PTPRG: variants seen among roughly 807,000 people sequenced by gnomAD.
PTPRG encodes the protein protein tyrosine phosphatase receptor type G, also known as receptor-type tyrosine-protein phosphatase gamma.
PTPRG carries 102 observed loss-of-function variants against 165.3 expected under a neutral mutation model. The ratio of observed to expected loss-of-function variants is 0.62; its 90% CI spans 0.53 to 0.73. The LOEUF is 0.73. Among genes scored for constraint, PTPRG ranks in the 30% least tolerant of loss-of-function variants. The pLI is 0.00. For synonymous variants in PTPRG, 675 were observed against 669.5 expected, an observed-to-expected ratio of 1.01 and a Z score of -0.13; for missense variants, 1,866 against 1,861.4, an observed-to-expected ratio of 1.00 and a Z score of -0.05.
rs147207311 is a variant in PTPRG at position 61,700,857 on chromosome 3, G to A, written c.86-48021G>A. Reference sequence around the variant, plus strand: ...ACATCTGTTACTTTTATACTACACAGGAAATACATGTAAAACATCCTACCC... The same window carrying A: ...ACATCTGTTACTTTTATACTACACAAGAAATACATGTAAAACATCCTACCC... On this transcript the variant is annotated intron_variant, in intron 1 of 29. Coordinates refer to ENST00000474889, the MANE Select transcript of PTPRG (RefSeq NM_002841.4). Among the ~76,000 whole-genome samples, 328 of 152,150 alleles carry A rather than the reference G, an allele frequency of 2.2e-3. 2 individuals carry two copies. Among genetic ancestry groups the A allele is most frequent in the African/African-American group, 7.8e-3 (322 of 41,520 alleles).
At chr3:62,027,038 A>G (rs2041821035) in intron 4 of PTPRG, among the ~76,000 whole-genome samples, 2 of 152,144 alleles carry the variant, frequency 1.3e-5, no homozygotes, top group Admixed American at 6.5e-5. Context: ...ACTACTACTG[A>G]GTCAAATCAT....
chr3:61,861,747 C>A (rs1310214141), intron 2 of PTPRG, among the ~76,000 whole-genome samples: 4 of 152,184 alleles, frequency 2.6e-5, no homozygotes, highest in Admixed American at 2.6e-4. Flanking sequence ...GTTTCTTCAA[C>A]TGGCATGGGG....
At chr3:62,170,919 A>T (rs1705191658) in intron 8 of PTPRG, among the ~76,000 whole-genome samples, 1 of 151,906 alleles carries the variant, frequency 6.6e-6, no homozygotes, top group African/African-American at 2.4e-5. Context: ...GGATCTCAGG[A>T]CTCCCCCATC....
intron 2 of PTPRG, among the ~76,000 whole-genome samples, chr3:61,817,148 TATATATA>T (rs61148136): frequency 4.6e-4 from 55 of 118,484 alleles, no homozygotes; most frequent in African/African-American, 1.5e-3. Context: ...ATATATTACA[TATATATA>T]ATATATAATA....
At position 61,562,088 on chromosome 3, in the gene PTPRG, C is replaced by G; in HGVS notation, c.-200C>G. 1 of 587,666 alleles carries G rather than the reference C, an allele frequency of 1.7e-6. No individual in the cohort carries two copies. Among genetic ancestry groups the G allele is most frequent in the East Asian group, 2.8e-5 (1 of 35,444 alleles). The allele number at this position is 587,666 out of a possible 1,614,324, so 36.4% of individuals were successfully genotyped here. A position where few individuals can be genotyped will look rare whatever the true frequency, so the allele number is the denominator to read the frequency against. On this transcript the variant is annotated 5_prime_UTR_variant, in exon 1 of 30. Transcript: ENST00000474889. ...TCGTCCCCAGCGTGGCTCTGCGTTC[C>G]CGGTCACTTTTTGAGATTTTCCGGG... is the stretch of plus-strand genomic sequence containing the variant.
chr3:62,166,005 G>C (rs1308232901), intron 7 of PTPRG, among the ~76,000 whole-genome samples: 1 of 151,718 alleles, frequency 6.6e-6, no homozygotes, highest in African/African-American at 2.4e-5. Context: ...CTGGTTCCCC[G>C]AAGCCTTGAC....
In PTPRG at chr3:62,024,871, G is replaced by A. The variant is rs146925919; in HGVS notation, c.519+21374G>A. Among the ~76,000 whole-genome samples, 482 of 152,252 alleles carry A rather than the reference G, an allele frequency of 3.2e-3. 3 individuals carry two copies. Among genetic ancestry groups the A allele is most frequent in the African/African-American group, 0.011 (461 of 41,534 alleles). ...CTGTGTTTTGTGAATTTCGACATGC[G>A]ATTTTCCAATTCATCAGTATCAGAT... On this transcript the variant is annotated intron_variant, in intron 4 of 29. Transcript: ENST00000474889.
chr3:62,164,137 C>T (rs1000916242), intron 7 of PTPRG, among the ~76,000 whole-genome samples: 11 of 152,154 alleles, frequency 7.2e-5, no homozygotes, highest in African/African-American at 2.2e-4. Context: ...CAACTTTGTC[C>T]GTATGGTTTG....
chr3:62,248,530 G>T (rs925793871), intron 15 of PTPRG, among the ~76,000 whole-genome samples: 109 of 152,042 alleles, frequency 7.2e-4, no homozygotes, highest in African/African-American at 2.2e-3. Flanking sequence ...ACACTGACAG[G>T]TACTTATAAA....
At chr3:61,888,206 T>C (rs1678923518) in intron 2 of PTPRG, among the ~76,000 whole-genome samples, 1 of 148,596 alleles carries the variant, frequency 6.7e-6, no homozygotes, top group African/African-American at 2.6e-5. Context: ...TCTTTGTGTG[T>C]GTGTGTGTGT....
At chr3:62,015,027 C>T (rs1237610883) in intron 4 of PTPRG, among the ~76,000 whole-genome samples, 1 of 152,152 alleles carries the variant, frequency 6.6e-6, no homozygotes. Flanking sequence ...GTGACATATG[C>T]CAGTAGGGAA....
At chr3:62,148,383 G>A (rs1024434667) in intron 6 of PTPRG, among the ~76,000 whole-genome samples, 1 of 152,182 alleles carries the variant, frequency 6.6e-6, no homozygotes, top group Non-Finnish European at 1.5e-5. Context: ...CCACCATAAG[G>A]AGTCTGGATT....
intron 8 of PTPRG, among the ~76,000 whole-genome samples, chr3:62,189,569 C>T (rs936859345): frequency 2.0e-5 from 3 of 152,174 alleles, no homozygotes; most frequent in African/African-American, 7.2e-5. Flanking sequence ...CTCACCCTCC[C>T]CTGCCCTCCT....
At chr3:62,205,311 CT>C (rs1270064251) in intron 12 of PTPRG, among the ~76,000 whole-genome samples, 4 of 152,054 alleles carry the variant, frequency 2.6e-5, no homozygotes, top group African/African-American at 9.7e-5. Context: ...CTAGGAATTA[CT>C]TTGAAAAAGT....
At chr3:61,852,102 A>C (rs1193189673) in intron 2 of PTPRG, among the ~76,000 whole-genome samples, 1 of 152,162 alleles carries the variant, frequency 6.6e-6, no homozygotes, top group African/African-American at 2.4e-5. Flanking sequence ...TTTTGGAACT[A>C]GATTTTAGGG....
chr3:61,624,476 T>C (rs368093127), intron 1 of PTPRG, among the ~76,000 whole-genome samples: 1 of 152,158 alleles, frequency 6.6e-6, no homozygotes, highest in Non-Finnish European at 1.5e-5. Context: ...AGATACGAAA[T>C]GTAGATGTGG....
At chr3:61,876,855 TATC>T (rs2037754332) in intron 2 of PTPRG, among the ~76,000 whole-genome samples, 1 of 152,226 alleles carries the variant, frequency 6.6e-6, no homozygotes, top group African/African-American at 2.4e-5. Flanking sequence ...TTCTGCCTAA[TATC>T]ATTTATCTGC....
At chr3:61,587,812 A>C (rs1418267413) in intron 1 of PTPRG, among the ~76,000 whole-genome samples, 1 of 152,050 alleles carries the variant, frequency 6.6e-6, no homozygotes, top group Non-Finnish European at 1.5e-5. Context: ...GCACACCACC[A>C]TGTCCAGCTA....
At chr3:61,805,899 C>CA (rs1163939557) in intron 2 of PTPRG, among the ~76,000 whole-genome samples, 2 of 152,086 alleles carry the variant, frequency 1.3e-5, no homozygotes, top group Admixed American at 1.3e-4. Context: ...TTGGAGTTTG[C>CA]AAAATATGAC....
Sources: allele counts gnomAD v4.1 joint callset (sites outside exome capture counted in the v4.1 genomes callset), GRCh38; gene constraint gnomAD v4.1.1; transcripts MANE v1.5; gene names NCBI Gene and HGNC (gene_info 2026-07-23, HGNC 2026-07-21).